Variants in OTOP2 observed in about 807,000 individuals in gnomAD.
OTOP2 encodes the protein proton channel OTOP2.
Under a neutral mutation model 47.4 loss-of-function variants are expected in OTOP2, and 41 were observed. That is an observed-to-expected ratio of 0.87 (90% confidence interval 0.67 to 1.12). The LOEUF (loss-of-function observed/expected upper bound fraction) is 1.12, where lower values mean the gene tolerates loss of function less well. Ranked by LOEUF, OTOP2 falls within the 50% of genes most tolerant of loss-of-function variation. OTOP2 has a pLI of 0.00. For missense variants in OTOP2, 721 were observed against 752.2 expected (o/e 0.96, Z 0.49); for synonymous variants, 328 against 319.6 (o/e 1.03, Z -0.28).
Position 74,933,486 on chromosome 17 carries a change from G to A in OTOP2, c.1630G>A (p.Gly544Ser), listed in dbSNP as rs1035864379. The change falls in exon 7 of 7, where the codon GGC (glycine) becomes AGC (serine). Residue 544 changes from glycine to serine, a missense_variant. Gly to Ser is a moderately conservative substitution (Grantham distance 56). Transcript: ENST00000331427. This position sits in a 1 kb window ranked among gnomAD's most constrained non-coding sequence, Gnocchi z 4.7. ...AVIVNICLPF[G>S]IFYRMHAVSS... Reference sequence around the variant, plus strand: ...CATCGTCAACATCTGCCTCCCTTTCGGCATCTTCTACCGCATGCACGCTGT... The same window carrying A: ...CATCGTCAACATCTGCCTCCCTTTCAGCATCTTCTACCGCATGCACGCTGT... 1.9e-6 allele frequency: 3 copies of A among 1,613,980 alleles called. No individual in the cohort carries two copies. The highest frequency in any genetic ancestry group is 2.5e-6 in the Non-Finnish European group (3 of 1,179,950).
At position 74,930,587 on chromosome 17, in the gene OTOP2, G is replaced by C. The variant is rs141455683; in HGVS notation, c.952G>C (p.Gly318Arg). The part of the protein sequence containing the change: ...IIYEVQVSGD[G>R]SRTRQALVIY... ...CTACGAGGTTCAAGTGAGCGGGGACGGGAGCCGCACCAGGCAGGCCCTGGT... is the reference window on the plus strand; with the variant it reads ...CTACGAGGTTCAAGTGAGCGGGGACCGGAGCCGCACCAGGCAGGCCCTGGT... Residue 318 changes from glycine (G) to arginine (R), a missense_variant, in exon 6 of 7, where the codon GGG becomes CGG. Gly to Arg is a moderately radical substitution (Grantham distance 125). Transcript: ENST00000331427. This position sits in a 1 kb window ranked among gnomAD's most constrained non-coding sequence, Gnocchi z 4.0. 1 of 1,613,956 alleles carries C rather than the reference G, an allele frequency of 6.2e-7. No individual in the cohort carries two copies. The highest frequency in any genetic ancestry group is 1.7e-5 in the Admixed American group (1 of 60,010).
At chr17:74,925,464 C>T (rs2038998651) in intron 2 of OTOP2, 92 bp from the exon 3 acceptor site, 2 of 1,532,096 alleles carry the variant, frequency 1.3e-6, no homozygotes, top group South Asian at 2.5e-5. Flanking sequence ...ACCCATCTAG[C>T]CTCCCATCCT....
At chr17:74,925,734 A>T in intron 3 of OTOP2, 42 bp downstream of exon 3, 1 of 1,611,178 alleles carries the variant, frequency 6.2e-7, no homozygotes, top group East Asian at 2.2e-5. Context: ...AGGAGCTAAC[A>T]CTTGGCCATT....
At chr17:74,926,582 T>C (rs1414682125) in intron 3 of OTOP2, among the ~76,000 whole-genome samples, 1 of 149,782 alleles carries the variant, frequency 6.7e-6, no homozygotes, top group East Asian at 1.9e-4. Flanking sequence ...AAAAACTAGA[T>C]AGTCAAAAAT....
At position 74,924,719 on chromosome 17, in the gene OTOP2, C is replaced by T. The variant is rs2144762460; in HGVS notation, c.87C>T (p.Arg29=). 2 of 1,607,200 alleles carry T rather than the reference C, an allele frequency of 1.2e-6. No homozygotes were observed. The highest frequency in any genetic ancestry group is 4.5e-5 in the East Asian group (2 of 44,648). The part of the protein sequence containing the change: ...GPREVWKKGG[R]LLSVLLAVNV... ...GGGAGGTGTGGAAGAAGGGTGGCCG[C>T]CTGCTGTCGGTGCTGCTGGCGGTGA... The change falls in exon 2 of 7, where the codon CGC becomes CGT. Residue 29 remains arginine (R), a synonymous_variant. Transcript: ENST00000331427. This position sits in a 1 kb window ranked among gnomAD's most constrained non-coding sequence, Gnocchi z 7.7.
Position 74,925,079 on chromosome 17 carries a change from G to A in OTOP2, c.313+134G>A, listed in dbSNP as rs1165157593. 4 of 1,144,316 alleles carry A rather than the reference G, an allele frequency of 3.5e-6. No homozygotes were observed. The African/African-American group carries it at 6.3e-5, about 18-fold the overall frequency. 70.9% of individuals were successfully genotyped at this position (1,144,316 alleles called of 1,614,324 possible). On this transcript the variant is annotated intron_variant, in intron 2 of 6. Coordinates refer to ENST00000331427, the MANE Select transcript of OTOP2 (RefSeq NM_178160.3). ...CCTAGGGAGGACCAGGAGGACCGGAGGGTGAAGTGGGCTGCAGTTAGGGAA... is the reference window on the plus strand; with the variant it reads ...CCTAGGGAGGACCAGGAGGACCGGAAGGTGAAGTGGGCTGCAGTTAGGGAA...
rs532804031 is a variant in OTOP2, at chr17:74,924,673, C to T, written c.41C>T (p.Pro14Leu). ...GCCCAGGGCCCCAAGGAGAGCCCCC[C>T]GGCGCCGCGTGCGGGCCCCAGGGAG... ...ELAQGPKESP[P>L]APRAGPREVW... Residue 14 changes from proline (P) to leucine (L), a missense_variant, in exon 2 of 7, where the codon CCG becomes CTG. Coordinates refer to ENST00000331427, the MANE Select transcript of OTOP2 (RefSeq NM_178160.3). This position sits in a 1 kb window ranked among gnomAD's most constrained non-coding sequence, Gnocchi z 7.7. The T allele has an allele frequency of 3.8e-6, 6 of 1,594,310 alleles. No individual in the cohort carries two copies. In the African/African-American group the frequency reaches 4.0e-5, roughly 11 times the overall value.
In OTOP2 at chr17:74,930,543, G is replaced by A; in HGVS notation, c.908G>A (p.Gly303Glu). 1 of 1,613,210 alleles carries A rather than the reference G, an allele frequency of 6.2e-7. No homozygotes were observed. ...PVLGLLLFVV[G>E]LAVFIIYEVQ... ...CTGGGCCTGCTGCTCTTCGTGGTGG[G>A]GCTGGCTGTCTTCATCATCTACGAG... is the stretch of plus-strand genomic sequence containing the variant. Residue 303 changes from glycine to glutamate, a missense_variant, in exon 6 of 7, where the codon GGG (glycine) becomes GAG (glutamate). By Grantham distance (98) the Gly-to-Glu change is moderately conservative. Transcript: ENST00000331427. This position sits in a 1 kb window ranked among gnomAD's most constrained non-coding sequence, Gnocchi z 4.0.
chr17:74,930,696 G>A lies in OTOP2; in HGVS notation c.1061G>A (p.Arg354His), dbSNP rs763119635. Residue 354 changes from arginine (R) to histidine (H), a missense_variant, in exon 6 of 7, where the codon CGC becomes CAC. Arg to His is a conservative substitution (Grantham distance 29). Transcript: ENST00000331427. This position sits in a 1 kb window ranked among gnomAD's most constrained non-coding sequence, Gnocchi z 4.0. ...LSGSIIYRFD[R>H]RAMDHHKNPT... ...GGCTCCATCATCTACCGTTTTGACC[G>A]CCGGGCCATGGACCACCATAAGAAC... The A allele has an allele frequency of 1.9e-4, 313 of 1,613,892 alleles. No individual in the cohort carries two copies. The highest frequency in any genetic ancestry group is 3.3e-4 in the Middle Eastern group (2 of 6,084).
rs2039021193 is a variant in OTOP2, at chr17:74,927,692, C to T, written c.537C>T (p.Thr179=). The T allele has an allele frequency of 6.2e-7, 1 of 1,614,004 alleles. No individual in the cohort carries two copies. The highest frequency in any genetic ancestry group is 1.3e-5 in the African/African-American group (1 of 74,942). ...GTGGTCTCATGTTCACACTCACCAC[C>T]AACCTGGCCATCTGGATGGCGGCCG... ...TWCGLMFTLT[T]NLAIWMAAVV... The change falls in exon 5 of 7, where the codon ACC becomes ACT. Residue 179 remains threonine, a synonymous_variant. Transcript: ENST00000331427.
At position 74,927,293 on chromosome 17, in the gene OTOP2, A is replaced by G; in HGVS notation, c.509+12A>G. On this transcript the variant is annotated intron_variant, in intron 4 of 6. Transcript: ENST00000331427. ...CTGGATCTGACCTGGTGAGAACTGC[A>G]GCTCGATGCCTGTACCCAGCGTGCT... is the stretch of plus-strand genomic sequence containing the variant. 6.2e-7 allele frequency: 1 copy of G among 1,609,890 alleles called. No homozygotes were observed. Among genetic ancestry groups the G allele is most frequent in the Non-Finnish European group, 8.5e-7 (1 of 1,176,524 alleles).
At position 74,933,488 on chromosome 17, in the gene OTOP2, C is replaced by T. The variant is rs150863790; in HGVS notation, c.1632C>T (p.Gly544=). The T allele has an allele frequency of 3.7e-3, 5,974 of 1,614,130 alleles. 19 individuals carry two copies. The highest frequency in any genetic ancestry group is 5.2e-3 in the Admixed American group (310 of 60,026). ...AVIVNICLPF[G]IFYRMHAVSS... is the part of the protein sequence containing the mutation. ...TCGTCAACATCTGCCTCCCTTTCGG[C>T]ATCTTCTACCGCATGCACGCTGTGT... The change falls in exon 7 of 7, where the codon GGC becomes GGT. Residue 544 remains glycine (G), a synonymous_variant. Transcript: ENST00000331427. This position sits in a 1 kb window ranked among gnomAD's most constrained non-coding sequence, Gnocchi z 4.7.
At position 74,933,391 on chromosome 17, in the gene OTOP2, C is replaced by A. The variant is rs2039076498; in HGVS notation, c.1535C>A (p.Ala512Asp). ...TCCACACAGCTGTGGATCATGCCTG[C>A]CTTCGGGGCCCGCCCTCATTTCAGC... ...LCNVILWIMP[A>D]FGARPHFSNT... The change falls in exon 7 of 7, where the codon GCC becomes GAC. Residue 512 changes from alanine (A) to aspartate (D), a missense_variant. Transcript: ENST00000331427. The surrounding 1 kb of genome is among the most constrained non-coding windows in gnomAD (Gnocchi z 4.7). 1.9e-6 allele frequency: 3 copies of A among 1,610,496 alleles called. No individual in the cohort carries two copies. The highest frequency in any genetic ancestry group is 2.5e-6 in the Non-Finnish European group (3 of 1,177,172).
intron 4 of OTOP2, 33 bp from the exon 5 acceptor site, chr17:74,927,632 G>T: frequency 6.3e-7 from 1 of 1,597,194 alleles, no homozygotes; most frequent in Non-Finnish European, 8.5e-7. Flanking sequence ...AAGGGTCACA[G>T]GCCTCTTTGT....
rs765756699 is a variant in OTOP2, at chr17:74,930,838, G to A, written c.1203G>A (p.Gly401=). The change falls in exon 6 of 7, where the codon GGG becomes GGA. Residue 401 remains glycine, a synonymous_variant. Coordinates refer to ENST00000331427, the MANE Select transcript of OTOP2 (RefSeq NM_178160.3). The surrounding 1 kb of genome is among the most constrained non-coding windows in gnomAD (Gnocchi z 4.0). ...VAGTPQDLLA[G]LNLTHALLMI... ...GCACACCCCAGGACCTGCTGGCAGG[G>A]CTCAACCTCACCCATGCACTGCTCA... The A allele has an allele frequency of 1.2e-6, 2 of 1,613,942 alleles. No individual in the cohort carries two copies. Among genetic ancestry groups the A allele is most frequent in the Non-Finnish European group, 1.7e-6 (2 of 1,180,018 alleles).
intron 5 of OTOP2, among the ~76,000 whole-genome samples, chr17:74,929,021 G>A (rs1255430685): frequency 2.0e-5 from 3 of 152,308 alleles, no homozygotes; most frequent in African/African-American, 7.2e-5. Flanking sequence ...CTGTCCCGGG[G>A]TCAGAAGTCA....
At position 74,930,570 on chromosome 17, in the gene OTOP2, T is replaced by C. The variant is rs769262191; in HGVS notation, c.935T>C (p.Val312Ala). 1.1e-5 allele frequency: 17 copies of C among 1,613,484 alleles called. No individual in the cohort carries two copies. The African/African-American group carries it at 2.1e-4, about 20-fold the overall frequency. ...VGLAVFIIYE[V>A]QVSGDGSRTR... ...CTGGCTGTCTTCATCATCTACGAGG[T>C]TCAAGTGAGCGGGGACGGGAGCCGC... The change falls in exon 6 of 7, where the codon GTT becomes GCT. Residue 312 changes from valine (V) to alanine (A), a missense_variant. Transcript: ENST00000331427. This position sits in a 1 kb window ranked among gnomAD's most constrained non-coding sequence, Gnocchi z 4.0.
chr17:74,928,879 C>A (rs999713117), intron 5 of OTOP2, among the ~76,000 whole-genome samples: 8 of 152,104 alleles, frequency 5.3e-5, no homozygotes, highest in African/African-American at 1.9e-4. Flanking sequence ...CTCAGGGAGA[C>A]CCCAGCCCAG....
chr17:74,926,252 G>A (rs1030603263), intron 3 of OTOP2, among the ~76,000 whole-genome samples: 1 of 152,174 alleles, frequency 6.6e-6, no homozygotes, highest in Non-Finnish European at 1.5e-5. Flanking sequence ...CATGGATGAT[G>A]CCCTCCCCAG....
Sources: allele counts gnomAD v4.1 joint callset (sites outside exome capture counted in the v4.1 genomes callset), GRCh38; gene constraint gnomAD v4.1.1; non-coding constraint Gnocchi (gnomAD v3.1); transcripts MANE v1.5; gene names NCBI Gene and HGNC (gene_info 2026-07-23, HGNC 2026-07-21).